The following PLXNA4 variants were observed in gnomAD, a reference collection of about 807,000 sequenced individuals.
PLXNA4 encodes plexin A4.
In PLXNA4, 44 loss-of-function variants were observed where a neutral mutation model predicts 191.8. The observed-to-expected ratio is 0.23, with a 90% confidence interval of 0.18 to 0.29. The LOEUF (loss-of-function observed/expected upper bound fraction) is 0.29, where lower values mean the gene tolerates loss of function less well. PLXNA4 is among the 10% of genes least tolerant of loss of function. The probability of loss-of-function intolerance (pLI) is 1.00; values close to 1 mark genes in which losing one functional copy is unlikely to be tolerated. For synonymous variants in PLXNA4, 1,082 were observed against 1,009.5 expected (o/e 1.07, Z -1.36); for missense variants, 1,800 against 2,488.8 (o/e 0.72, Z 5.89).
At position 132,159,718 on chromosome 7, in the gene PLXNA4, C is replaced by G. The variant is rs1795892708; in HGVS notation, c.4501-86G>C. 1.9e-6 allele frequency: 3 copies of G among 1,569,522 alleles called. No individual in the cohort carries two copies. The African/African-American group carries it at 4.0e-5, about 21-fold the overall frequency. ...CCCCAGCAGCACCCTGGGATTCCGT[C>G]CTGAATGGCTCATCCTCTCCAGGAT... is the stretch of plus-strand genomic sequence containing the variant. On this transcript the variant is annotated intron_variant, in intron 24 of 31. Coordinates refer to ENST00000321063, the MANE Select transcript of PLXNA4 (RefSeq NM_020911.2).
At chr7:132,489,075 G>A (rs1407134139) in intron 3 of PLXNA4, among the ~76,000 whole-genome samples, 1 of 152,162 alleles carries the variant, frequency 6.6e-6, no homozygotes, top group African/African-American at 2.4e-5. Context: ...CCAGCTCTAG[G>A]GAGGAGGTGA....
At chr7:132,546,790 C>T (rs748088593) in intron 1 of PLXNA4, among the ~76,000 whole-genome samples, 4 of 152,152 alleles carry the variant, frequency 2.6e-5, no homozygotes, top group Non-Finnish European at 5.9e-5. Flanking sequence ...ACACCCTTGT[C>T]GATTCTGGTT....
At chr7:132,309,646 C>A (rs1352843069) in intron 3 of PLXNA4, among the ~76,000 whole-genome samples, 1 of 152,160 alleles carries the variant, frequency 6.6e-6, no homozygotes, top group African/African-American at 2.4e-5. Flanking sequence ...TCCTCTCCTG[C>A]TGGAAATCTG....
At chr7:132,264,453 C>T (rs1167124429) in intron 4 of PLXNA4, among the ~76,000 whole-genome samples, 1 of 151,972 alleles carries the variant, frequency 6.6e-6, no homozygotes, top group Non-Finnish European at 1.5e-5. Context: ...ACTTAGACCT[C>T]ACTCTTTTTT....
In PLXNA4 at chr7:132,359,678, C is replaced by T. The variant is rs6957259; in HGVS notation, c.1372-61456G>A. Among the ~76,000 whole-genome samples, 984 of 152,314 alleles carry T rather than the reference C, an allele frequency of 6.5e-3. 18 individuals are homozygous for T. Among genetic ancestry groups the T allele is most frequent in the African/African-American group, 0.023 (942 of 41,554 alleles). ...CCCACCCTGGCCACAAAGACTCACA[C>T]ATCTCAATGTTCCTAAGTATTAAGA... On this transcript the variant is annotated intron_variant, in intron 3 of 31. Transcript: ENST00000321063.
chr7:132,446,487 T>C (rs1795916288), intron 3 of PLXNA4, among the ~76,000 whole-genome samples: 1 of 152,124 alleles, frequency 6.6e-6, no homozygotes, highest in African/African-American at 2.4e-5. Context: ...AGAAACCTGG[T>C]AAAGGTTTTC....
chr7:132,445,007 A>G (rs912966329), intron 3 of PLXNA4, among the ~76,000 whole-genome samples: 3 of 151,102 alleles, frequency 2.0e-5, no homozygotes, highest in African/African-American at 7.3e-5. Context: ...CAAAAAAATT[A>G]GCCGGGCACA....
At chr7:132,200,125 A>T (rs919604746) in intron 12 of PLXNA4, among the ~76,000 whole-genome samples, 1 of 151,876 alleles carries the variant, frequency 6.6e-6, no homozygotes, top group Non-Finnish European at 1.5e-5. Flanking sequence ...TCTCTGGCCC[A>T]CTCCTTCGTT....
chr7:132,242,931 A>C lies in PLXNA4; in HGVS notation c.1504-1765T>G, dbSNP rs191063916. Among the ~76,000 whole-genome samples the C allele has an allele frequency of 2.0e-5, 3 of 152,328 alleles. No homozygotes were observed. In the East Asian group the frequency reaches 5.8e-4, roughly 29 times the overall value. ...TCCTACTCCTTAAGTGAGCATAGAC[A>C]TGCTAGTCATGTAAGCATATAAATA... On this transcript the variant is annotated intron_variant, in intron 4 of 31. Coordinates refer to ENST00000321063, the MANE Select transcript of PLXNA4 (RefSeq NM_020911.2).
intron 25 of PLXNA4, among the ~76,000 whole-genome samples, chr7:132,149,580 AAAAACAGCCTCTTAAATTC>A (rs1185690346): frequency 1.3e-5 from 2 of 152,362 alleles, no homozygotes; most frequent in African/African-American, 4.8e-5. Flanking sequence ...ACCAGAAAGG[AAAAACAGCCTCTTAAATTC>A]AAATGCAACG....
chr7:132,209,852 GACCACCTCT>G (rs1797739127), intron 10 of PLXNA4, among the ~76,000 whole-genome samples: 1 of 152,126 alleles, frequency 6.6e-6, no homozygotes, highest in Non-Finnish European at 1.5e-5. Flanking sequence ...CTCAAATCCA[GACCACCTCT>G]GCCACTCACT....
intron 5 of PLXNA4, among the ~76,000 whole-genome samples, chr7:132,232,426 C>A (rs577447838): frequency 1.3e-5 from 2 of 152,158 alleles, no homozygotes; most frequent in Non-Finnish European, 2.9e-5. Context: ...CAAATGCAAA[C>A]CTTCAGATGG....
chr7:132,327,686 C>G (rs1212900264), intron 3 of PLXNA4, among the ~76,000 whole-genome samples: 1 of 152,176 alleles, frequency 6.6e-6, no homozygotes, highest in Non-Finnish European at 1.5e-5. Context: ...ACATCTGGAT[C>G]CCGCATGATT....
At chr7:132,385,198 G>A in intron 3 of PLXNA4, 1 of 1,613,990 alleles carries the variant, frequency 6.2e-7, no homozygotes, top group Non-Finnish European at 8.5e-7. Flanking sequence ...TCAGTTTGAT[G>A]AACAGCTGGA....
At chr7:132,318,123 A>C (rs1446242026) in intron 3 of PLXNA4, among the ~76,000 whole-genome samples, 1 of 152,160 alleles carries the variant, frequency 6.6e-6, no homozygotes. Context: ...CATCCCACAC[A>C]ACAAGCAGGC....
intron 2 of PLXNA4, among the ~76,000 whole-genome samples, chr7:132,633,345 C>T (rs527447681): frequency 4.0e-5 from 6 of 148,520 alleles, no homozygotes; most frequent in Non-Finnish European, 7.4e-5. Flanking sequence ...TGCAGTGGTT[C>T]GATCTTGGCT....
At chr7:132,342,961 A>G (rs1412541267) in intron 3 of PLXNA4, among the ~76,000 whole-genome samples, 11 of 150,088 alleles carry the variant, frequency 7.3e-5, no homozygotes, top group South Asian at 4.2e-4. Context: ...AAAAAAAAAA[A>G]GAAAAAAAAA....
chr7:132,332,582 C>A (rs1802631993), intron 3 of PLXNA4, among the ~76,000 whole-genome samples: 1 of 152,026 alleles, frequency 6.6e-6, no homozygotes, highest in South Asian at 2.1e-4. Flanking sequence ...GGCGTGGTGG[C>A]TCATGCCTAT....
intron 3 of PLXNA4, among the ~76,000 whole-genome samples, chr7:132,380,029 G>A (rs1474446955): frequency 6.6e-6 from 1 of 152,126 alleles, no homozygotes. Flanking sequence ...ATATAACAGA[G>A]GCAGGGCTCA....
Sources: gnomAD v4.1 joint callset for allele counts (sites outside exome capture counted in the v4.1 genomes callset) on GRCh38, gnomAD v4.1.1 for gene constraint, MANE v1.5 for transcripts, NCBI Gene and HGNC (gene_info 2026-07-23, HGNC 2026-07-21) for gene names.